The following SUMF1 variants were observed in gnomAD, a reference collection of about 807,000 sequenced individuals.
SUMF1 encodes the protein formylglycine-generating enzyme.
SUMF1 carries 48 observed loss-of-function variants against 47.6 expected under a neutral mutation model. The ratio of observed to expected loss-of-function variants is 1.01; its 90% CI spans 0.80 to 1.28. The LOEUF (loss-of-function observed/expected upper bound fraction) is 1.28. SUMF1 is among the 50% of genes most tolerant of loss of function. The pLI is 0.00. For missense variants in SUMF1, 571 were observed against 485.4 expected, an observed-to-expected ratio of 1.18 and a Z score of -1.66; for synonymous variants, 230 against 192.1, an observed-to-expected ratio of 1.20 and a Z score of -1.63.
intron 9 of SUMF1, among the ~76,000 whole-genome samples, chr3:4,050,630 C>G (rs1175169149): frequency 6.6e-6 from 1 of 151,016 alleles, no homozygotes; most frequent in Non-Finnish European, 1.5e-5. Context: ...GTACTGCCAG[C>G]TACTCAGGAG....
intron 8 of SUMF1, among the ~76,000 whole-genome samples, chr3:4,230,904 C>A (rs1344952937): frequency 6.6e-6 from 1 of 152,234 alleles, no homozygotes; most frequent in East Asian, 1.9e-4. Context: ...TATTTTATCA[C>A]ATATGGGTTC....
intron 8 of SUMF1, among the ~76,000 whole-genome samples, chr3:4,250,894 C>A (rs1696786788): frequency 6.6e-6 from 1 of 152,126 alleles, no homozygotes; most frequent in Non-Finnish European, 1.5e-5. Flanking sequence ...CCCACGGGTT[C>A]AAATGGAGCT....
chr3:4,428,938 CTA>C (rs1416985221), intron 3 of SUMF1, among the ~76,000 whole-genome samples: 1 of 152,106 alleles, frequency 6.6e-6, no homozygotes, highest in East Asian at 1.9e-4. Flanking sequence ...GAATATTTTT[CTA>C]TGTTTTATCT....
chr3:4,162,549 G>C (rs1694603185), intron 8 of SUMF1, among the ~76,000 whole-genome samples: 2 of 152,178 alleles, frequency 1.3e-5, no homozygotes, highest in Admixed American at 6.5e-5. Flanking sequence ...GTGGACATCA[G>C]CTGAGTTCAG....
chr3:4,080,826 C>T (rs1053618896), intron 8 of SUMF1, among the ~76,000 whole-genome samples: 2 of 152,124 alleles, frequency 1.3e-5, no homozygotes, highest in Non-Finnish European at 2.9e-5. Flanking sequence ...TTCACGAAGA[C>T]TTTCCTGATG....
At position 4,218,039 on chromosome 3, in the gene SUMF1, G is replaced by A. The variant is rs142719321; in HGVS notation, c.1015-149294C>T. Among the ~76,000 whole-genome samples the A allele has an allele frequency of 3.1e-3, 473 of 152,002 alleles. 3 individuals carry two copies. The highest frequency in any genetic ancestry group is 0.011 in the African/African-American group (441 of 41,378). On this transcript the variant is annotated intron_variant and NMD_transcript_variant, in intron 8 of 12. Coordinates refer to the SUMF1 transcript ENST00000448413. ...GACATAGTGGTCACTTCTCGAAAGC[G>A]AAGGAGAGAAACAAGAATGAGGAGG...
chr3:4,253,485 A>C lies in SUMF1; in HGVS notation c.1014+122845T>G, dbSNP rs577585055. ...GGGTCAGGGAGTTCCCTTTCCGAGT[A>C]AAAGAAAGGGGTGACGGACGCACCT... On this transcript the variant is annotated intron_variant and NMD_transcript_variant, in intron 8 of 12. Transcript: ENST00000448413. Among the ~76,000 whole-genome samples the C allele has an allele frequency of 2.3e-3, 354 of 152,182 alleles. 1 individual carries two copies. Among genetic ancestry groups the C allele is most frequent in the Middle Eastern group, 6.8e-3 (2 of 294 alleles).
chr3:4,132,958 G>C lies in SUMF1; in HGVS notation c.1015-64213C>G, dbSNP rs148035909. Among the ~76,000 whole-genome samples, 72 of 152,200 alleles carry C rather than the reference G, an allele frequency of 4.7e-4. No individual in the cohort carries two copies. The East Asian group carries it at 0.01, about 22-fold the overall frequency. ...ACGACAAATGGCCCACACCCTTCAGGAATGAAGGTTAGGTTCACTCCACCA... is the reference window on the plus strand; with the variant it reads ...ACGACAAATGGCCCACACCCTTCAGCAATGAAGGTTAGGTTCACTCCACCA... On this transcript the variant is annotated intron_variant and NMD_transcript_variant, in intron 8 of 12. Transcript: ENST00000448413.
chr3:4,217,091 AT>A (rs1695941385), intron 8 of SUMF1, among the ~76,000 whole-genome samples: 1 of 152,180 alleles, frequency 6.6e-6, no homozygotes, highest in Non-Finnish European at 1.5e-5. Context: ...ACTATTCACA[AT>A]AGCAAAGACT....
At chr3:4,081,265 G>A (rs1450546740) in intron 8 of SUMF1, among the ~76,000 whole-genome samples, 1 of 152,110 alleles carries the variant, frequency 6.6e-6, no homozygotes, top group Non-Finnish European at 1.5e-5. Context: ...AAACCTCAGA[G>A]CACTACTTTC....
intron 8 of SUMF1, chr3:4,303,668 G>T: frequency 1.3e-6 from 2 of 1,486,312 alleles, no homozygotes; most frequent in Non-Finnish European, 1.8e-6. Context: ...GGGAATAGGT[G>T]TGCATGCCCC....
At chr3:4,129,190 T>C (rs592767) in intron 8 of SUMF1, among the ~76,000 whole-genome samples, 115,980 of 151,988 alleles carry the variant, frequency 0.76, 44,562 homozygotes, top group Admixed American at 0.81. Flanking sequence ...ACGGTGGGAA[T>C]GACAGTCACT....
chr3:4,431,794 T>G (rs370656955), intron 3 of SUMF1, among the ~76,000 whole-genome samples: 38 of 152,260 alleles, frequency 2.5e-4, no homozygotes, highest in African/African-American at 8.7e-4. Context: ...CTGGCAAAAG[T>G]GATTGAGAAA....
intron 8 of SUMF1, among the ~76,000 whole-genome samples, chr3:4,177,063 G>C (rs962905477): frequency 6.6e-6 from 1 of 152,098 alleles, no homozygotes; most frequent in African/African-American, 2.4e-5. Flanking sequence ...CCTACAAAGA[G>C]ACTCAGACTC....
chr3:4,197,025 T>C (rs2629247), intron 8 of SUMF1, among the ~76,000 whole-genome samples: 38,099 of 152,020 alleles, frequency 0.25, 5,547 homozygotes, highest in East Asian at 0.4. Context: ...TGGACACTCC[T>C]AGACGAAACT....
chr3:4,244,076 G>T (rs1696605364), intron 8 of SUMF1, among the ~76,000 whole-genome samples: 1 of 152,144 alleles, frequency 6.6e-6, no homozygotes, highest in African/African-American at 2.4e-5. Flanking sequence ...GACTAGGATT[G>T]CAATCCCTGC....
At chr3:4,149,595 A>G (rs1694272118) in intron 8 of SUMF1, among the ~76,000 whole-genome samples, 1 of 152,158 alleles carries the variant, frequency 6.6e-6, no homozygotes, top group Admixed American at 6.5e-5. Context: ...GACTGCGCCA[A>G]TATATCTGTC....
At chr3:4,313,524 T>C in intron 8 of SUMF1, 1 of 1,614,024 alleles carries the variant, frequency 6.2e-7, no homozygotes, top group Non-Finnish European at 8.5e-7. Flanking sequence ...TCTCTTATGA[T>C]TATTCAGGAA....
intron 6 of SUMF1, 75 bp downstream of exon 6, chr3:4,417,053 G>T: frequency 7.4e-7 from 1 of 1,352,674 alleles, no homozygotes; most frequent in Non-Finnish European, 1.1e-6. Context: ...AGTGAGCAAT[G>T]CCTTTCACCC....
Sources: gnomAD v4.1 joint callset for allele counts (sites outside exome capture counted in the v4.1 genomes callset) on GRCh38, gnomAD v4.1.1 for gene constraint, MANE v1.5 for transcripts, NCBI Gene and HGNC (gene_info 2026-07-23, HGNC 2026-07-21) for gene names.